CXADR: variants seen among roughly 807,000 people sequenced by gnomAD.
CXADR encodes the protein coxsackievirus and adenovirus receptor.
A neutral mutation model predicts 40.3 loss-of-function variants in CXADR; 20 were observed. The observed-to-expected ratio is 0.50, with a 90% CI of 0.35 to 0.72. The LOEUF (loss-of-function observed/expected upper bound fraction) is 0.72, where lower values mean the gene tolerates loss of function less well. Ranked by LOEUF, CXADR falls within the 30% of genes least tolerant of loss-of-function variation. The probability of loss-of-function intolerance (pLI) is 0.01; values close to 1 mark genes in which losing one functional copy is unlikely to be tolerated. For synonymous variants in CXADR, 150 were observed against 161.3 expected (o/e 0.93, Z 0.53); for missense variants, 332 against 449.1 (o/e 0.74, Z 2.36).
intron 3 of CXADR, among the ~76,000 whole-genome samples, chr21:17,553,079 C>T (rs530470333): frequency 9.9e-5 from 15 of 152,268 alleles, no homozygotes; most frequent in Admixed American, 3.3e-4. Context: ...TGCACCACCA[C>T]GCCTGGCTAA....
chr21:17,586,418 A>G (rs1053819353), intron 7 of CXADR, among the ~76,000 whole-genome samples: 1 of 147,760 alleles, frequency 6.8e-6, no homozygotes, highest in African/African-American at 2.5e-5. Flanking sequence ...TATATATAAT[A>G]TATATTATAT....
downstream of CXADR, among the ~76,000 whole-genome samples, chr21:17,573,866 C>T (rs561680213): frequency 2.0e-5 from 3 of 152,326 alleles, no homozygotes; most frequent in Admixed American, 2.0e-4. Flanking sequence ...GAGATTGTGC[C>T]TCTGCACTCC....
In CXADR at chr21:17,513,163, G is replaced by A. The variant is rs866885235; in HGVS notation, c.34G>A (p.Gly12Arg). 7.3e-7 allele frequency: 1 copy of A among 1,365,190 alleles called. No individual in the cohort carries two copies. The highest frequency in any genetic ancestry group is 2.0e-5 in the South Asian group (1 of 51,070). The allele number at this position is 1,365,190 out of a possible 1,614,324, so 84.6% of individuals were successfully genotyped here. A position where few individuals can be genotyped will look rare whatever the true frequency, so the allele number is the denominator to read the frequency against. Residue 12 changes from glycine to arginine, a missense_variant, in exon 1 of 7, where the codon GGA (glycine) becomes AGA (arginine). By Grantham distance (125) the Gly-to-Arg change is moderately radical. Transcript: ENST00000284878. ...ALLLCFVLLC[G>R]VVDFARSLSI... ...CCTGCTGTGCTTCGTGCTCCTGTGCGGAGTAGTGGGTGAGTAGGGGCCATG... is the reference window on the plus strand; with the variant it reads ...CCTGCTGTGCTTCGTGCTCCTGTGCAGAGTAGTGGGTGAGTAGGGGCCATG...
At chr21:17,588,674 A>T (rs1462165785) in intron 7 of CXADR, among the ~76,000 whole-genome samples, 1 of 152,134 alleles carries the variant, frequency 6.6e-6, no homozygotes, top group Non-Finnish European at 1.5e-5. Context: ...TCACTGGTGA[A>T]TTAGTTTATT....
intron 1 of CXADR, among the ~76,000 whole-genome samples, chr21:17,522,340 G>A (rs1249609026): frequency 1.3e-5 from 2 of 151,980 alleles, no homozygotes; most frequent in Middle Eastern, 3.2e-3. Context: ...TAGAGCGGGG[G>A]TTTCTCCATG....
At chr21:17,522,395 G>A (rs937260680) in intron 1 of CXADR, among the ~76,000 whole-genome samples, 7 of 152,068 alleles carry the variant, frequency 4.6e-5, no homozygotes, top group South Asian at 2.1e-4. Context: ...TGATCCGCCC[G>A]CCTCGGCCTC....
At chr21:17,535,078 G>A (rs1473067317) in intron 1 of CXADR, among the ~76,000 whole-genome samples, 7 of 151,558 alleles carry the variant, frequency 4.6e-5, no homozygotes, top group African/African-American at 7.3e-5. Context: ...CACCGCGCCC[G>A]GCCTCTAACT....
At chr21:17,605,092 A>G in the CXADR span, 1 of 1,364,554 alleles carries the variant, frequency 7.3e-7, no homozygotes, top group Non-Finnish European at 9.9e-7. Flanking sequence ...GTAATAAAAT[A>G]GTAATAAAAA....
intron 7 of CXADR, among the ~76,000 whole-genome samples, chr21:17,577,377 C>T (rs552903324): frequency 6.6e-6 from 1 of 151,992 alleles, no homozygotes; most frequent in African/African-American, 2.4e-5. Context: ...CATATATATC[C>T]ATTTTAATGA....
chr21:17,587,495 G>A (rs1040427124), intron 7 of CXADR, among the ~76,000 whole-genome samples: 1 of 152,188 alleles, frequency 6.6e-6, no homozygotes, highest in African/African-American at 2.4e-5. Context: ...GGCCAGTGAT[G>A]ATGAGCATTT....
At chr21:17,606,595 T>C in the CXADR span, among the ~76,000 whole-genome samples, 1 of 152,042 alleles carries the variant, frequency 6.6e-6, no homozygotes, top group Non-Finnish European at 1.5e-5. Flanking sequence ...TGATACAGGC[T>C]CTAAGCTTAC....
chr21:17,564,695 A>AT (rs2061179171), intron 6 of CXADR, among the ~76,000 whole-genome samples: 1 of 151,718 alleles, frequency 6.6e-6, no homozygotes, highest in African/African-American at 2.4e-5. Flanking sequence ...TATAAAAAGA[A>AT]TTTTTTCTTT....
In CXADR at chr21:17,568,500, T is replaced by C. The variant is rs2824363; in HGVS notation, c.*2808T>C. 2.3e-6 allele frequency: 1 copy of C among 432,376 alleles called. No individual in the cohort carries two copies. The highest frequency in any genetic ancestry group is 2.7e-6 in the Non-Finnish European group (1 of 371,338). 26.8% of individuals were successfully genotyped at this position (432,376 alleles called of 1,614,324 possible). A position where few individuals can be genotyped will look rare whatever the true frequency, so the allele number is the denominator to read the frequency against. Reference sequence around the variant, plus strand: ...GAGAGACTTGATACCATCCATCTCTTTAGGTTACAGAGGATAATTTGAAGA... The same window carrying C: ...GAGAGACTTGATACCATCCATCTCTCTAGGTTACAGAGGATAATTTGAAGA... On this transcript the variant is annotated 3_prime_UTR_variant, in exon 7 of 7. Coordinates refer to ENST00000284878, the MANE Select transcript of CXADR (RefSeq NM_001338.5).
At position 17,568,446 on chromosome 21, in the gene CXADR, G is replaced by A. The variant is rs964745139; in HGVS notation, c.*2754G>A. 2.8e-5 allele frequency: 28 copies of A among 984,720 alleles called. No homozygotes were observed. The highest frequency in any genetic ancestry group is 6.2e-5 in the Admixed American group (1 of 16,214). 61.0% of individuals were successfully genotyped at this position (984,720 alleles called of 1,614,324 possible). A position where few individuals can be genotyped will look rare whatever the true frequency, so the allele number is the denominator to read the frequency against. ...CCCGGCCCAGTACTGCATCTTAACA[G>A]CAAAGCCATTTTATTCTACTTTATA... On this transcript the variant is annotated 3_prime_UTR_variant, in exon 7 of 7. Coordinates refer to ENST00000284878, the MANE Select transcript of CXADR (RefSeq NM_001338.5).
chr21:17,541,596 C>A (rs78403976), intron 1 of CXADR, among the ~76,000 whole-genome samples: 2,025 of 147,134 alleles, frequency 0.014, 45 homozygotes, highest in African/African-American at 0.046. Flanking sequence ...CTCCTCTTCC[C>A]TCTTTCCCCT....
chr21:17,630,650 C>CTTTTTTTTTTTTTTT, the CXADR span, among the ~76,000 whole-genome samples: 12 of 116,934 alleles, frequency 1.0e-4, no homozygotes, highest in Admixed American at 1.8e-4. Flanking sequence ...CTTCCTTCTT[C>CTTTTTTTTTTTTTTT]TTTTTTTTTT....
At chr21:17,614,045 A>AT in the CXADR span, 6 of 151,726 alleles carry the variant, frequency 4.0e-5, no homozygotes, top group African/African-American at 1.2e-4. Context: ...CAAAATGGTA[A>AT]TTTTTTTAGC....
intron 7 of CXADR, among the ~76,000 whole-genome samples, chr21:17,590,029 A>T (rs1255275205): frequency 6.6e-6 from 1 of 152,150 alleles, no homozygotes; most frequent in Non-Finnish European, 1.5e-5. Flanking sequence ...TAGTCTAGAT[A>T]GAAATGTGTT....
downstream of CXADR, among the ~76,000 whole-genome samples, chr21:17,572,005 C>G (rs1194980440): frequency 6.6e-6 from 1 of 152,064 alleles, no homozygotes; most frequent in Non-Finnish European, 1.5e-5. Flanking sequence ...ACACTGGGGA[C>G]AAATATGTGT....
Sources: allele counts gnomAD v4.1 joint callset (sites outside exome capture counted in the v4.1 genomes callset), GRCh38; gene constraint gnomAD v4.1.1; transcripts MANE v1.5; gene names NCBI Gene and HGNC (gene_info 2026-07-23, HGNC 2026-07-21).